Variants in GALK2 observed in about 807,000 individuals in gnomAD.
GALK2 encodes N-acetylgalactosamine kinase.
A neutral mutation model predicts 52.4 loss-of-function variants in GALK2; 36 were observed. That is an observed-to-expected ratio of 0.69 (90% confidence interval 0.53 to 0.91). The LOEUF (loss-of-function observed/expected upper bound fraction) is 0.91. GALK2 is among the 40% of genes least tolerant of loss of function. GALK2 has a pLI of 0.00. For missense variants in GALK2, 579 were observed against 559.1 expected (o/e 1.04, Z -0.36); for synonymous variants, 176 against 199.1 (o/e 0.88, Z 0.98).
intron 8 of GALK2, among the ~76,000 whole-genome samples, chr15:49,308,328 G>C (rs908643757): frequency 2.0e-5 from 3 of 152,178 alleles, no homozygotes; most frequent in African/African-American, 7.2e-5. Context: ...GTAGTTATAT[G>C]ATTGTGCATA....
chr15:49,354,535 C>T (rs1036770409), intron 3 of GALK2, among the ~76,000 whole-genome samples: 7 of 152,222 alleles, frequency 4.6e-5, no homozygotes, highest in East Asian at 3.9e-4. Context: ...TGCACTTTTC[C>T]GACCGGCTTA....
chr15:49,297,155 G>A (rs993910430), intron 8 of GALK2, among the ~76,000 whole-genome samples: 1 of 152,056 alleles, frequency 6.6e-6, no homozygotes, highest in African/African-American at 2.4e-5. Flanking sequence ...TCTCATTATG[G>A]TTTTAATATG....
chr15:49,292,033 A>T (rs1341699927), intron 7 of GALK2, among the ~76,000 whole-genome samples: 4 of 152,176 alleles, frequency 2.6e-5, no homozygotes, highest in African/African-American at 7.2e-5. Flanking sequence ...GCCCTGAGGG[A>T]AAGTGGTGAC....
At chr15:49,318,511 G>A (rs1567057449) in intron 8 of GALK2, among the ~76,000 whole-genome samples, 1 of 151,968 alleles carries the variant, frequency 6.6e-6, no homozygotes. Context: ...ATATCAAATT[G>A]CCTTAGAATC....
At chr15:49,311,811 A>G (rs1567049541) in intron 8 of GALK2, among the ~76,000 whole-genome samples, 1 of 152,256 alleles carries the variant, frequency 6.6e-6, no homozygotes, top group East Asian at 1.9e-4. Flanking sequence ...TTACCCAGGC[A>G]CATCTTTGTG....
intron 1 of GALK2, chr15:49,178,622 G>A (rs772058859): frequency 1.5e-4 from 33 of 225,552 alleles, no homozygotes; most frequent in Non-Finnish European, 3.7e-5. Context: ...GGTGGGATGT[G>A]GAGCCCTGTG....
chr15:49,192,305 T>C (rs2086782373), intron 1 of GALK2, among the ~76,000 whole-genome samples: 1 of 151,862 alleles, frequency 6.6e-6, no homozygotes, highest in African/African-American at 2.4e-5. Context: ...TTTAACATAG[T>C]ATTTCTGGAA....
Position 49,201,208 on chromosome 15 carries a change from C to G in GALK2, c.100C>G (p.Pro34Ala). ...EMFNSKFGSIPKFYVRAPGRV... is the reference protein window; with the variant it reads ...EMFNSKFGSIAKFYVRAPGRV... ...GTTTAACTCCAAGTTTGGATCTATT[C>G]CCAAGTTTTATGTTCGAGCACCAGG... Residue 34 changes from proline (P) to alanine (A), a missense_variant, in exon 2 of 10, where the codon CCC becomes GCC. Physicochemically the swap from Pro to Ala is conservative, Grantham distance 27. Transcript: ENST00000560031. The G allele has an allele frequency of 6.2e-7, 1 of 1,610,624 alleles. No homozygotes were observed. Among genetic ancestry groups the G allele is most frequent in the Non-Finnish European group, 8.5e-7 (1 of 1,177,534 alleles).
chr15:49,354,032 C>T (rs1301136621), intron 3 of GALK2: 1 of 152,194 alleles, frequency 6.6e-6, no homozygotes, highest in Admixed American at 6.5e-5. Context: ...GCTGGTGACA[C>T]TTCTGGAGTC....
intron 1 of GALK2, among the ~76,000 whole-genome samples, chr15:49,185,905 C>T (rs1432037660): frequency 6.6e-6 from 1 of 151,780 alleles, no homozygotes; most frequent in Non-Finnish European, 1.5e-5. Context: ...TTTTTTCTTT[C>T]AGCACTTTAA....
intron 5 of GALK2, among the ~76,000 whole-genome samples, chr15:49,257,630 A>T (rs1385870657): frequency 6.6e-6 from 1 of 152,158 alleles, no homozygotes; most frequent in Non-Finnish European, 1.5e-5. Context: ...TGTTGTAGTT[A>T]AAAATTATAA....
chr15:49,329,025 TCTA>T lies in GALK2; in HGVS notation c.*872_*874del, dbSNP rs921003414. The stretch of plus-strand genomic sequence containing the variant: ...AGAATTACTTTCTTATCACTCTTTT[TCTA>T]CTACTTTTTCTCAAATACCTCTCTA... On this transcript the variant is annotated 3_prime_UTR_variant, in exon 10 of 10. Transcript: ENST00000560031. 1 of 1,009,002 alleles carries T rather than the reference TCTA, an allele frequency of 9.9e-7. No homozygotes were observed. The highest frequency in any genetic ancestry group is 1.2e-6 in the Non-Finnish European group (1 of 844,012). The allele number at this position is 1,009,002 out of a possible 1,614,324, so 62.5% of individuals were successfully genotyped here.
rs183530196 is a variant in GALK2, at chr15:49,300,756, G to C, written c.967+8219G>C. Among the ~76,000 whole-genome samples, 3 of 152,242 alleles carry C rather than the reference G, an allele frequency of 2.0e-5. No homozygotes were observed. The East Asian group carries it at 5.8e-4, about 29-fold the overall frequency. On this transcript the variant is annotated intron_variant, in intron 8 of 9. Coordinates refer to ENST00000560031, the MANE Select transcript of GALK2 (RefSeq NM_002044.4). ...CTCCTTGCTGCCACCATGTGAAGAA[G>C]GATATGTTTGCTTCTCATTCCGCCA...
chr15:49,226,637 T>C (rs189169473), intron 3 of GALK2: 1 of 152,286 alleles, frequency 6.6e-6, no homozygotes, highest in East Asian at 1.9e-4. Context: ...GGGTTTTGTT[T>C]CTTATTGCTT....
chr15:49,200,420 T>C (rs2087638691), intron 1 of GALK2, among the ~76,000 whole-genome samples: 1 of 152,200 alleles, frequency 6.6e-6, no homozygotes, highest in African/African-American at 2.4e-5. Context: ...ATGACCTTAT[T>C]TGGACTAGCA....
In GALK2 at chr15:49,228,698, T is replaced by A. The variant is rs1267378967; in HGVS notation, c.267-7153T>A. Among the ~76,000 whole-genome samples the A allele has an allele frequency of 1.6e-3, 125 of 80,152 alleles. 6 individuals are homozygous for A. The highest frequency in any genetic ancestry group is 6.5e-3 in the African/African-American group (121 of 18,572). The allele number at this position is 80,152 out of a possible 152,430, so 52.6% of individuals were successfully genotyped here. ...ATATATATATATATATTTTTTTTTT[T>A]TTTTTTTTTTTTTGCGATGGAGTCT... is the stretch of plus-strand genomic sequence containing the variant. On this transcript the variant is annotated intron_variant, in intron 3 of 9. Transcript: ENST00000560031.
chr15:49,158,622 C>T (rs1258214637), intron 1 of GALK2, among the ~76,000 whole-genome samples: 2 of 151,842 alleles, frequency 1.3e-5, no homozygotes, highest in East Asian at 1.9e-4. Context: ...CTTCCCATAC[C>T]ATTAAAAAAA....
chr15:49,258,722 A>G (rs913392497), intron 5 of GALK2, among the ~76,000 whole-genome samples: 1 of 150,356 alleles, frequency 6.7e-6, no homozygotes, highest in Admixed American at 6.6e-5. Context: ...AGGGTTTAGA[A>G]TTCTGGTCTG....
intron 5 of GALK2, among the ~76,000 whole-genome samples, chr15:49,278,931 G>C (rs891321863): frequency 2.6e-5 from 4 of 152,224 alleles, no homozygotes; most frequent in African/African-American, 9.6e-5. Context: ...AGGAGAAGCA[G>C]GTACTTTCTT....
Sources: gnomAD v4.1 joint callset for allele counts (sites outside exome capture counted in the v4.1 genomes callset) on GRCh38, gnomAD v4.1.1 for gene constraint, MANE v1.5 for transcripts, NCBI Gene and HGNC (gene_info 2026-07-23, HGNC 2026-07-21) for gene names.